The following EYS variants were observed in gnomAD, a reference collection of about 807,000 sequenced individuals.
The protein encoded by EYS is EGF-like photoreceptor maintenance factor.
EYS carries 250 observed loss-of-function variants against 282.1 expected under a neutral mutation model. The observed-to-expected ratio is 0.89, with a 90% CI of 0.80 to 0.98. EYS has a LOEUF of 0.98. EYS is among the 50% of genes least tolerant of loss of function. The probability of loss-of-function intolerance (pLI) is 0.00; values close to 1 mark genes in which losing one functional copy is unlikely to be tolerated. For missense variants in EYS, 4,016 were observed against 3,709.0 expected (o/e 1.08, Z -2.15); for synonymous variants, 1,355 against 1,282.9 (o/e 1.06, Z -1.20).
chr6:64,846,645 A>G (rs114082983), intron 19 of EYS, among the ~76,000 whole-genome samples: 3,144 of 152,240 alleles, frequency 0.021, 109 homozygotes, highest in African/African-American at 0.07. Flanking sequence ...TCTGTTATAT[A>G]TTCTCAAAGC....
intron 31 of EYS, among the ~76,000 whole-genome samples, chr6:64,104,383 C>T (rs1386037965): frequency 6.6e-6 from 1 of 151,724 alleles, no homozygotes; most frequent in Non-Finnish European, 1.5e-5. Context: ...TGTGTGTTTG[C>T]TTATGTGTGT....
At chr6:64,723,351 T>A (rs377750738) in intron 22 of EYS, among the ~76,000 whole-genome samples, 2 of 152,304 alleles carry the variant, frequency 1.3e-5, no homozygotes, top group African/African-American at 4.8e-5. Context: ...TGTCTCTATG[T>A]TGTTTTTGTA....
At chr6:64,676,574 A>G (rs942344638) in intron 22 of EYS, among the ~76,000 whole-genome samples, 2 of 152,070 alleles carry the variant, frequency 1.3e-5, no homozygotes, top group African/African-American at 4.8e-5. Context: ...AAATTAAATA[A>G]CTGTTAACAT....
chr6:64,831,691 C>T (rs1765222094), intron 19 of EYS, among the ~76,000 whole-genome samples: 1 of 151,966 alleles, frequency 6.6e-6, no homozygotes, highest in Non-Finnish European at 1.5e-5. Flanking sequence ...ATGAAGTCTT[C>T]TCTCTCTTAG....
chr6:64,045,423 TTTTATTTTATTTTA>T (rs1356447561), intron 33 of EYS, among the ~76,000 whole-genome samples: 7 of 146,668 alleles, frequency 4.8e-5, no homozygotes, highest in African/African-American at 1.0e-4. Flanking sequence ...TTTTATTTTA[TTTTATTTTATTTTA>T]TTTATTTTAT....
intron 12 of EYS, among the ~76,000 whole-genome samples, chr6:65,249,979 G>A (rs981724718): frequency 5.9e-5 from 9 of 152,062 alleles, no homozygotes; most frequent in Admixed American, 2.6e-4. Context: ...GCAGAAATCC[G>A]TGTAAGAGAG....
chr6:64,209,723 CT>C (rs1490409248), intron 31 of EYS, among the ~76,000 whole-genome samples: 1 of 152,040 alleles, frequency 6.6e-6, no homozygotes, highest in Non-Finnish European at 1.5e-5. Flanking sequence ...ATTTGAAAAT[CT>C]TTACTAGTTT....
At chr6:65,309,386 GAA>G (rs1417559856) in intron 11 of EYS, among the ~76,000 whole-genome samples, 1 of 152,258 alleles carries the variant, frequency 6.6e-6, no homozygotes, top group South Asian at 2.1e-4. Flanking sequence ...CTGCCTTAAA[GAA>G]AAAAATTGGT....
At chr6:64,718,038 C>T (rs911463098) in intron 22 of EYS, among the ~76,000 whole-genome samples, 23 of 152,146 alleles carry the variant, frequency 1.5e-4, no homozygotes, top group African/African-American at 5.6e-4. Context: ...AGCTGTTCTG[C>T]CTCTTACTAC....
intron 33 of EYS, among the ~76,000 whole-genome samples, chr6:64,006,072 T>G (rs1210396653): frequency 1.3e-5 from 2 of 152,226 alleles, no homozygotes; most frequent in Admixed American, 6.5e-5. Flanking sequence ...TATGGCCATA[T>G]TAGCAATATT....
chr6:64,157,281 T>A, intron 31 of EYS, among the ~76,000 whole-genome samples: 1 of 152,132 alleles, frequency 6.6e-6, no homozygotes, highest in East Asian at 1.9e-4. Flanking sequence ...ATTTTCTTAA[T>A]CCAGTCTATC....
chr6:65,115,916 G>A (rs1775356943), intron 12 of EYS, among the ~76,000 whole-genome samples: 1 of 151,888 alleles, frequency 6.6e-6, no homozygotes, highest in African/African-American at 2.4e-5. Context: ...ACACTGTGGT[G>A]TAACTTCTCT....
At chr6:65,325,061 C>A (rs1769582261) in intron 11 of EYS, among the ~76,000 whole-genome samples, 2 of 152,206 alleles carry the variant, frequency 1.3e-5, no homozygotes, top group African/African-American at 4.8e-5. Context: ...GGCACAGGTA[C>A]ACCCCCAGGC....
At chr6:65,291,799 C>G (rs934000813) in intron 12 of EYS, among the ~76,000 whole-genome samples, 8 of 151,474 alleles carry the variant, frequency 5.3e-5, no homozygotes, top group Non-Finnish European at 1.2e-4. Context: ...CTCAGTACAT[C>G]GAAAGAGTAG....
At chr6:65,046,820 C>A (rs1281969640) in intron 13 of EYS, among the ~76,000 whole-genome samples, 4 of 151,866 alleles carry the variant, frequency 2.6e-5, no homozygotes, top group Non-Finnish European at 5.9e-5. Context: ...TGGGGAGGAA[C>A]CTGGTGGAAG....
At chr6:65,429,243 G>A (rs1046751908) in intron 5 of EYS, among the ~76,000 whole-genome samples, 1 of 152,002 alleles carries the variant, frequency 6.6e-6, no homozygotes, top group African/African-American at 2.4e-5. Context: ...AAATTACCAG[G>A]GGCCAGTGCA....
chr6:64,035,563 A>G (rs1770077208), intron 33 of EYS, among the ~76,000 whole-genome samples: 2 of 152,202 alleles, frequency 1.3e-5, no homozygotes, highest in South Asian at 4.1e-4. Context: ...GCCTATGAAG[A>G]AGTAATACAC....
chr6:64,018,226 T>A (rs892251179), intron 33 of EYS, among the ~76,000 whole-genome samples: 9 of 152,300 alleles, frequency 5.9e-5, no homozygotes, highest in Non-Finnish European at 1.0e-4. Flanking sequence ...GATATTTCAT[T>A]TGAAAACGTA....
At chr6:65,617,495 A>T (rs1477292180) in intron 2 of EYS, among the ~76,000 whole-genome samples, 1 of 152,030 alleles carries the variant, frequency 6.6e-6, no homozygotes, top group African/African-American at 2.4e-5. Flanking sequence ...GACCTGAATT[A>T]AAATTATATA....
Sources: gnomAD v4.1 joint callset for allele counts (sites outside exome capture counted in the v4.1 genomes callset) on GRCh38, gnomAD v4.1.1 for gene constraint, MANE v1.5 for transcripts, NCBI Gene and HGNC (gene_info 2026-07-23, HGNC 2026-07-21) for gene names.